RNF150: variants seen among roughly 807,000 people sequenced by gnomAD.
RNF150 encodes ring finger protein 150.
A neutral mutation model predicts 39.3 loss-of-function variants in RNF150; 24 were observed. The ratio of observed to expected loss-of-function variants is 0.61; its 90% CI spans 0.44 to 0.86. The LOEUF is 0.86. Ranked by LOEUF, RNF150 falls within the 40% of genes least tolerant of loss-of-function variation. The probability of loss-of-function intolerance (pLI) is 0.00; values close to 1 mark genes in which losing one functional copy is unlikely to be tolerated. For missense variants in RNF150, 502 were observed against 587.8 expected, an observed-to-expected ratio of 0.85 and a Z score of 1.51; for synonymous variants, 255 against 227.3, an observed-to-expected ratio of 1.12 and a Z score of -1.10.
chr4:141,170,996 A>G (rs925124771), intron 1 of RNF150, among the ~76,000 whole-genome samples: 2 of 152,144 alleles, frequency 1.3e-5, no homozygotes, highest in African/African-American at 4.8e-5. Flanking sequence ...GAACACAAAG[A>G]GGAATACGAG....
intron 4 of RNF150, among the ~76,000 whole-genome samples, chr4:140,926,784 A>G (rs1171461145): frequency 6.6e-6 from 1 of 152,220 alleles, no homozygotes; most frequent in Non-Finnish European, 1.5e-5. Flanking sequence ...TTCGCTTGAA[A>G]GAGTCCACAC....
rs544460313 is a variant in RNF150, at chr4:140,965,877, TTC to T, written c.735+1744_735+1745del. 9.9e-5 allele frequency among the ~76,000 whole-genome samples: 15 copies of T among 152,194 alleles called. No individual in the cohort carries two copies. The East Asian group carries it at 2.1e-3, about 22-fold the overall frequency. ...TAAAAAACTGTATTGTATTAGAAAT[TTC>T]TGTTAAATAAGTAGATTTTACCTGC... On this transcript the variant is annotated intron_variant, in intron 2 of 6. Transcript: ENST00000515673.
At chr4:141,053,626 TA>T in intron 1 of RNF150, 1 of 1,023,416 alleles carries the variant, frequency 9.8e-7, no homozygotes, top group Non-Finnish European at 1.3e-6. Context: ...TGGAAGTCAT[TA>T]AACTGAGTGA....
rs1318906413 is a variant in RNF150 at position 141,108,165 on chromosome 4, T to C, written c.484+24160A>G. ...CTCACATCTCTGCAGCTCCCTTGGC[T>C]GCTTCAGACTTAGAGGAGCACATTT... On this transcript the variant is annotated intron_variant, in intron 1 of 6. Transcript: ENST00000515673. Among the ~76,000 whole-genome samples, 4 of 152,352 alleles carry C rather than the reference T, an allele frequency of 2.6e-5. No homozygotes were observed. In the East Asian group the frequency reaches 7.7e-4, roughly 29 times the overall value.
intron 1 of RNF150, among the ~76,000 whole-genome samples, chr4:141,165,595 A>T (rs1208848279): frequency 1.3e-5 from 2 of 152,216 alleles, no homozygotes; most frequent in Non-Finnish European, 2.9e-5. Flanking sequence ...CATAACAAAC[A>T]GTCTCTCAGA....
At chr4:141,014,829 A>C (rs10022157) in intron 1 of RNF150, among the ~76,000 whole-genome samples, 6,437 of 152,224 alleles carry the variant, frequency 0.042, 363 homozygotes, top group African/African-American at 0.12. Context: ...GTTTGATGCC[A>C]TCCCACTGGT....
At chr4:140,875,129 T>C (rs1019557259) in intron 6 of RNF150, among the ~76,000 whole-genome samples, 2 of 151,714 alleles carry the variant, frequency 1.3e-5, no homozygotes, top group Non-Finnish European at 1.5e-5. Context: ...TGGTTTTATC[T>C]GACTCCAGAG....
chr4:140,934,986 TTATAATA>T (rs1368766180), intron 4 of RNF150, among the ~76,000 whole-genome samples: 1 of 72,048 alleles, frequency 1.4e-5, no homozygotes, highest in Non-Finnish European at 3.2e-5. Flanking sequence ...AGTTAAAGTG[TTATAATA>T]TATATATATA....
intron 6 of RNF150, among the ~76,000 whole-genome samples, chr4:140,891,768 C>T (rs115700504): frequency 0.013 from 1,952 of 152,268 alleles, 48 homozygotes; most frequent in African/African-American, 0.044. Flanking sequence ...ATCTGGGCCA[C>T]ACAGCAGGAG....
intron 1 of RNF150, among the ~76,000 whole-genome samples, chr4:141,161,122 G>A (rs2660436): frequency 0.37 from 56,194 of 151,994 alleles, 12,798 homozygotes; most frequent in Non-Finnish European, 0.5. Context: ...GGTTGTGACC[G>A]AAGCGCTGAT....
intron 6 of RNF150, among the ~76,000 whole-genome samples, chr4:140,910,369 G>GAACT (rs542785019): frequency 1.6e-4 from 24 of 152,204 alleles, no homozygotes; most frequent in African/African-American, 5.5e-4. Flanking sequence ...GATTTTCTTA[G>GAACT]AACTCCTGAA....
At chr4:141,016,183 C>T (rs3851424) in intron 1 of RNF150, among the ~76,000 whole-genome samples, 30,028 of 152,094 alleles carry the variant, frequency 0.2, 3,090 homozygotes, top group Middle Eastern at 0.26. Flanking sequence ...CAGCCCTTAA[C>T]GTTGTGTTTC....
chr4:141,149,945 G>T (rs987371830), intron 1 of RNF150, among the ~76,000 whole-genome samples: 2 of 152,064 alleles, frequency 1.3e-5, no homozygotes, highest in Admixed American at 1.3e-4. Flanking sequence ...AGTGAGTCAG[G>T]GCCCTCGCTT....
At chr4:141,194,373 T>C (rs537861868) in intron 1 of RNF150, among the ~76,000 whole-genome samples, 2 of 152,212 alleles carry the variant, frequency 1.3e-5, no homozygotes, top group Non-Finnish European at 2.9e-5. Context: ...AGGCATTACA[T>C]TTGAAAGAAC....
At chr4:140,961,175 C>A (rs1180173059) in intron 2 of RNF150, among the ~76,000 whole-genome samples, 3 of 152,164 alleles carry the variant, frequency 2.0e-5, no homozygotes, top group African/African-American at 7.2e-5. Context: ...AGCCCTTATT[C>A]TCCATGTTAC....
intron 4 of RNF150, among the ~76,000 whole-genome samples, chr4:140,932,181 T>C (rs1731672819): frequency 6.6e-6 from 1 of 152,214 alleles, no homozygotes; most frequent in Admixed American, 6.5e-5. Flanking sequence ...TGAACTATTT[T>C]AAAAAGATAC....
chr4:140,997,629 C>T lies in RNF150; in HGVS notation c.485-29756G>A, dbSNP rs540305882. Reference sequence around the variant, plus strand: ...ACTCAGGAGGCTAAGGCAGGAGAATCGCTTGAACTCGGAAGGTGGAGGTTG... The same window carrying T: ...ACTCAGGAGGCTAAGGCAGGAGAATTGCTTGAACTCGGAAGGTGGAGGTTG... On this transcript the variant is annotated intron_variant, in intron 1 of 6. Transcript: ENST00000515673. Among the ~76,000 whole-genome samples, 37 of 144,586 alleles carry T rather than the reference C, an allele frequency of 2.6e-4. 1 individual carries two copies. In the Middle Eastern group the frequency reaches 0.011, roughly 42 times the overall value. The allele number at this position is 144,586 out of a possible 152,430, so 94.9% of individuals were successfully genotyped here. A position where few individuals can be genotyped will look rare whatever the true frequency, so the allele number is the denominator to read the frequency against.
chr4:141,143,159 C>A (rs571302382), intron 1 of RNF150, among the ~76,000 whole-genome samples: 1 of 152,230 alleles, frequency 6.6e-6, no homozygotes, highest in South Asian at 2.1e-4. Flanking sequence ...CGTGAGCCAC[C>A]GCGCCTGGTC....
chr4:140,930,978 T>A (rs1254608113), intron 4 of RNF150, among the ~76,000 whole-genome samples: 23 of 152,180 alleles, frequency 1.5e-4, no homozygotes, highest in Non-Finnish European at 2.9e-5. Context: ...CTAGGCAGGC[T>A]ACCTTAGCTC....
Sources: gnomAD v4.1 joint callset for allele counts (sites outside exome capture counted in the v4.1 genomes callset) on GRCh38, gnomAD v4.1.1 for gene constraint, MANE v1.5 for transcripts, NCBI Gene and HGNC (gene_info 2026-07-23, HGNC 2026-07-21) for gene names.